The following CSNK1G3 variants were observed in gnomAD, a reference collection of about 807,000 sequenced individuals.
The protein encoded by CSNK1G3 is casein kinase I isoform gamma-3.
Under a neutral mutation model 64.3 loss-of-function variants are expected in CSNK1G3, and 23 were observed. The ratio of observed to expected loss-of-function variants is 0.36; its 90% CI spans 0.26 to 0.51. The LOEUF (loss-of-function observed/expected upper bound fraction) is 0.51. Ranked by LOEUF, CSNK1G3 falls within the 20% of genes least tolerant of loss-of-function variation. The probability of loss-of-function intolerance (pLI) is 0.96; values close to 1 mark genes in which losing one functional copy is unlikely to be tolerated. For missense variants in CSNK1G3, 357 were observed against 510.5 expected, an observed-to-expected ratio of 0.70 and a Z score of 2.90; for synonymous variants, 158 against 162.2, an observed-to-expected ratio of 0.97 and a Z score of 0.20.
chr5:123,578,286 A>G (rs1013656960), intron 6 of CSNK1G3, among the ~76,000 whole-genome samples: 1 of 151,818 alleles, frequency 6.6e-6, no homozygotes, highest in African/African-American at 2.4e-5. Flanking sequence ...ATCAGTAATG[A>G]ATGAGAATTT....
chr5:123,581,885 T>A (rs190346984), intron 6 of CSNK1G3, among the ~76,000 whole-genome samples: 1 of 152,126 alleles, frequency 6.6e-6, no homozygotes, highest in South Asian at 2.1e-4. Context: ...TTTTTACTTA[T>A]AAGAAATGAT....
intron 1 of CSNK1G3, among the ~76,000 whole-genome samples, chr5:123,533,959 G>A (rs1024646164): frequency 3.3e-5 from 5 of 151,636 alleles, no homozygotes; most frequent in Middle Eastern, 3.4e-3. Flanking sequence ...GGTTTCTTTT[G>A]CTGTTCTGTT....
chr5:123,577,260 G>A (rs1259197412), intron 6 of CSNK1G3, among the ~76,000 whole-genome samples: 1 of 151,868 alleles, frequency 6.6e-6, no homozygotes, highest in East Asian at 1.9e-4. Context: ...TTGGATAATG[G>A]TATTTAGAAA....
At chr5:123,527,851 A>G (rs1050413178) in intron 1 of CSNK1G3, among the ~76,000 whole-genome samples, 4 of 152,142 alleles carry the variant, frequency 2.6e-5, no homozygotes, top group Non-Finnish European at 5.9e-5. Flanking sequence ...TTTTCTTTTA[A>G]TGACAAACTT....
At chr5:123,556,175 C>G (rs1222135326) in intron 3 of CSNK1G3, among the ~76,000 whole-genome samples, 1 of 152,018 alleles carries the variant, frequency 6.6e-6, no homozygotes. Context: ...TGTAATAAAA[C>G]TTATAAGTTT....
rs555849963 is a variant in CSNK1G3 at position 123,572,438 on chromosome 5, A to G, written c.290-955A>G. ...TATAGCTTCATAATGAATTATTACT[A>G]TCTCTTACTGGCTTAAGATGAAAGA... On this transcript the variant is annotated intron_variant, in intron 4 of 12. Coordinates refer to ENST00000345990, the Ensembl canonical transcript of CSNK1G3. Among the ~76,000 whole-genome samples, 27 of 152,306 alleles carry G rather than the reference A, an allele frequency of 1.8e-4. No individual in the cohort carries two copies. The East Asian group carries it at 4.8e-3, about 27-fold the overall frequency.
At chr5:123,582,280 A>G (rs1027210569) in intron 6 of CSNK1G3, among the ~76,000 whole-genome samples, 4 of 152,150 alleles carry the variant, frequency 2.6e-5, no homozygotes, top group Non-Finnish European at 5.9e-5. Flanking sequence ...ACATTGATTA[A>G]GTGATGAAAT....
intron 1 of CSNK1G3, among the ~76,000 whole-genome samples, chr5:123,544,688 C>T (rs865969909): frequency 1.3e-5 from 2 of 152,254 alleles, no homozygotes; most frequent in Middle Eastern, 6.8e-3. Flanking sequence ...CTTCCAAAAG[C>T]CTTGAAAAAT....
chr5:123,579,339 T>C (rs1383567213), intron 6 of CSNK1G3, among the ~76,000 whole-genome samples: 1 of 151,686 alleles, frequency 6.6e-6, no homozygotes, highest in East Asian at 1.9e-4. Flanking sequence ...TTTAAAATTA[T>C]GAAACACAAG....
At chr5:123,547,277 A>G (rs1343888931) in intron 2 of CSNK1G3, among the ~76,000 whole-genome samples, 1 of 152,148 alleles carries the variant, frequency 6.6e-6, no homozygotes, top group Non-Finnish European at 1.5e-5. Flanking sequence ...TTAAATTTAG[A>G]TGATACTGTA....
chr5:123,574,560 C>T (rs1267857985), intron 5 of CSNK1G3, among the ~76,000 whole-genome samples: 1 of 151,986 alleles, frequency 6.6e-6, no homozygotes, highest in East Asian at 1.9e-4. Context: ...TGGCTTGTGC[C>T]TGTAATCCCA....
At chr5:123,614,303 G>C in intron 12 of CSNK1G3, 39 bp from the exon 14 acceptor site, 1 of 1,585,866 alleles carries the variant, frequency 6.3e-7, no homozygotes, top group South Asian at 1.1e-5. Flanking sequence ...TGATATTTTA[G>C]TGCTTTTAAA....
Position 123,591,421 on chromosome 5 carries a change from T to C in CSNK1G3, c.1086+7T>C. On this transcript the variant is annotated splice_region_variant and intron_variant, in intron 10 of 12. Transcript: ENST00000345990. The stretch of plus-strand genomic sequence containing the variant: ...GCAACAATCCAAAAACCAGGTTTGC[T>C]GCCCTTTAGATATGAAATACCTTCC... 3.1e-6 allele frequency: 5 copies of C among 1,595,436 alleles called. No individual in the cohort carries two copies. The highest frequency in any genetic ancestry group is 2.3e-5 in the East Asian group (1 of 44,262).
At chr5:123,588,614 AG>A in intron 8 of CSNK1G3, 103 bp downstream of exon 8, 1 of 763,416 alleles carries the variant, frequency 1.3e-6, no homozygotes, top group Non-Finnish European at 2.2e-6. Flanking sequence ...TAAAAAAAAA[AG>A]AGCTAAAAAT....
intron 10 of CSNK1G3, among the ~76,000 whole-genome samples, chr5:123,596,421 G>A (rs2151046936): frequency 6.6e-6 from 1 of 152,174 alleles, no homozygotes; most frequent in African/African-American, 2.4e-5. Context: ...ATGTTTTTAA[G>A]TTTGTGTGTA....
rs148419542 is a variant in CSNK1G3 at position 123,522,285 on chromosome 5, C to T, written c.-248+9715C>T. ...TAGGGAGGCAGAGGCAGGCGGATCA[C>T]GAGGTCAGGAGATTGAGACCGTCTG... is the stretch of plus-strand genomic sequence containing the variant. On this transcript the variant is annotated intron_variant, in intron 1 of 12. Transcript: ENST00000345990. 5.4e-3 allele frequency among the ~76,000 whole-genome samples: 822 copies of T among 152,054 alleles called. 5 individuals carry two copies. Among genetic ancestry groups the T allele is most frequent in the Admixed American group, 9.3e-3 (142 of 15,258 alleles).
At chr5:123,553,576 TTCATATATATGGC>T (rs1214123349) in intron 3 of CSNK1G3, among the ~76,000 whole-genome samples, 25 of 152,334 alleles carry the variant, frequency 1.6e-4, no homozygotes, top group Non-Finnish European at 2.6e-4. Context: ...AAATTGTTAC[TTCATATATATGGC>T]AAAGCTGGCT....
At chr5:123,584,467 T>A (rs975439541) in intron 6 of CSNK1G3, among the ~76,000 whole-genome samples, 2 of 152,228 alleles carry the variant, frequency 1.3e-5, no homozygotes, top group Non-Finnish European at 1.5e-5. Flanking sequence ...GATTGATTTT[T>A]AAAAGTTAAA....
intron 10 of CSNK1G3, chr5:123,595,065 C>T (rs1793172022): frequency 3.7e-6 from 6 of 1,613,546 alleles, no homozygotes; most frequent in Non-Finnish European, 4.2e-6. Context: ...CAGCTTGGGA[C>T]TCCCAGCAGG....
Sources: allele counts gnomAD v4.1 joint callset (sites outside exome capture counted in the v4.1 genomes callset), GRCh38; gene constraint gnomAD v4.1.1; transcripts MANE v1.5; gene names NCBI Gene and HGNC (gene_info 2026-07-23, HGNC 2026-07-21).